The following ARHGAP32 variants were observed in gnomAD, a reference collection of about 807,000 sequenced individuals.
ARHGAP32 encodes the protein Rho GTPase activating protein 32.
ARHGAP32 carries 51 observed loss-of-function variants against 186.5 expected under a neutral mutation model. The observed-to-expected ratio is 0.27, with a 90% confidence interval of 0.22 to 0.35. The LOEUF is 0.35. Ranked by LOEUF, ARHGAP32 falls within the 10% of genes least tolerant of loss-of-function variation. The probability of loss-of-function intolerance (pLI) is 1.00; values close to 1 mark genes in which losing one functional copy is unlikely to be tolerated. For synonymous variants in ARHGAP32, 950 were observed against 964.3 expected, an observed-to-expected ratio of 0.99 and a Z score of 0.27; for missense variants, 2,186 against 2,623.5, an observed-to-expected ratio of 0.83 and a Z score of 3.64.
intron 1 of ARHGAP32, among the ~76,000 whole-genome samples, chr11:129,257,056 G>A (rs1945263914): frequency 6.6e-6 from 1 of 152,156 alleles, no homozygotes. Flanking sequence ...AGATCACATG[G>A]CTACCTCAGT....
Position 128,976,494 on chromosome 11 carries a change from T to C in ARHGAP32, c.2194+69A>G. ...TTTATTAAGCACAGATATATAAAAA[T>C]ATACTCAATTGCAGTATTCCTTTAT... is the stretch of plus-strand genomic sequence containing the variant. On this transcript the variant is annotated intron_variant, in intron 20 of 22. Transcript: ENST00000682385. 4.8e-6 allele frequency: 6 copies of C among 1,247,810 alleles called. No homozygotes were observed. In the South Asian group the frequency reaches 5.0e-5, roughly 10 times the overall value. 77.3% of individuals were successfully genotyped at this position (1,247,810 alleles called of 1,614,324 possible).
In ARHGAP32 at chr11:128,970,090, G is replaced by T; in HGVS notation, c.5123C>A (p.Pro1708His). ...GTACAAGCTCTTTCCTTGCAGCCTA[G>T]GATTGTAGAAAGCAAAGTCTCGATT... ...LPNRDFAFYN[P>H]RLQGKSLYSY... Residue 1708 changes from proline (P) to histidine (H), a missense_variant, in exon 23 of 23, where the codon CCT becomes CAT. This residue lies in a region of ARHGAP32 where 1,502 missense variants were observed against 1,570.0 expected (regional missense o/e 0.96). Coordinates refer to ENST00000682385, the MANE Select transcript of ARHGAP32 (RefSeq NM_001378024.1). The surrounding 1 kb of genome is among the most constrained non-coding windows in gnomAD (Gnocchi z 5.8). 6.2e-7 allele frequency: 1 copy of T among 1,614,198 alleles called. No homozygotes were observed.
chr11:129,232,500 T>C (rs976193025), intron 1 of ARHGAP32, among the ~76,000 whole-genome samples: 4 of 152,162 alleles, frequency 2.6e-5, no homozygotes, highest in African/African-American at 9.7e-5. Flanking sequence ...ATGATAAAAT[T>C]TGAACTTTCA....
chr11:129,174,070 G>A (rs1267237647), intron 1 of ARHGAP32, among the ~76,000 whole-genome samples: 2 of 152,240 alleles, frequency 1.3e-5, no homozygotes, highest in Admixed American at 6.5e-5. Context: ...GTGGGCACAG[G>A]ACAGTGGGTG....
chr11:129,102,927 T>C (rs915057898), intron 5 of ARHGAP32, among the ~76,000 whole-genome samples: 2 of 152,118 alleles, frequency 1.3e-5, no homozygotes, highest in African/African-American at 2.4e-5. Context: ...TGTAAACCCA[T>C]GTTCACAGAA....
chr11:129,020,266 G>A (rs541500271), intron 11 of ARHGAP32, among the ~76,000 whole-genome samples: 1 of 152,066 alleles, frequency 6.6e-6, no homozygotes, highest in South Asian at 2.1e-4. Context: ...CACTGTTAAA[G>A]GTTATTAAGC....
chr11:129,174,481 TG>T (rs1565456282), intron 1 of ARHGAP32, among the ~76,000 whole-genome samples: 1 of 152,206 alleles, frequency 6.6e-6, no homozygotes, highest in Admixed American at 6.5e-5. Flanking sequence ...GCTCCACCTC[TG>T]GGGGCAGGGC....
chr11:129,026,178 T>G (rs893146905), intron 11 of ARHGAP32, among the ~76,000 whole-genome samples: 2 of 152,188 alleles, frequency 1.3e-5, no homozygotes, highest in Non-Finnish European at 2.9e-5. Flanking sequence ...TTCCTGGTTT[T>G]GATAATGTAC....
intron 1 of ARHGAP32, among the ~76,000 whole-genome samples, chr11:129,263,305 T>A (rs1046480288): frequency 6.6e-6 from 1 of 152,096 alleles, no homozygotes; most frequent in African/African-American, 2.4e-5. Context: ...ATCCACAGAA[T>A]GGGAGAAAGT....
intron 1 of ARHGAP32, among the ~76,000 whole-genome samples, chr11:129,270,730 T>TAA (rs1384367688): frequency 7.0e-6 from 1 of 143,288 alleles, no homozygotes; most frequent in Non-Finnish European, 1.5e-5. Flanking sequence ...ATAGTCTACT[T>TAA]AAAAAAAAAA....
chr11:129,095,461 A>C (rs1370263972), intron 5 of ARHGAP32, among the ~76,000 whole-genome samples: 1 of 152,244 alleles, frequency 6.6e-6, no homozygotes. Context: ...ACAGGTACTC[A>C]CCAGGGATAT....
intron 2 of ARHGAP32, among the ~76,000 whole-genome samples, chr11:129,134,450 ACT>A (rs1942892210): frequency 6.6e-6 from 1 of 152,216 alleles, no homozygotes. Flanking sequence ...GAATTCACAA[ACT>A]CAGAATTAAT....
chr11:129,058,344 T>A (rs2135119673), intron 10 of ARHGAP32, among the ~76,000 whole-genome samples: 1 of 152,178 alleles, frequency 6.6e-6, no homozygotes, highest in African/African-American at 2.4e-5. Flanking sequence ...TCAGAATATA[T>A]GAAGTACCAG....
At chr11:129,184,466 TA>T (rs1299036806) in intron 1 of ARHGAP32, among the ~76,000 whole-genome samples, 1 of 152,068 alleles carries the variant, frequency 6.6e-6, no homozygotes, top group Non-Finnish European at 1.5e-5. Context: ...GAAGAACCCT[TA>T]AAAATAATTT....
At chr11:129,041,100 A>G in intron 10 of ARHGAP32, 91 bp from the exon 11 acceptor site, 1 of 757,222 alleles carries the variant, frequency 1.3e-6, no homozygotes, top group Non-Finnish European at 2.2e-6. Flanking sequence ...TGTATTCTAC[A>G]GTCCCTCCCA....
intron 1 of ARHGAP32, among the ~76,000 whole-genome samples, chr11:129,203,731 A>G (rs1355374283): frequency 6.7e-6 from 1 of 149,120 alleles, no homozygotes; most frequent in Non-Finnish European, 1.5e-5. Context: ...AAAAAAAAAA[A>G]AAAAGAAAGA....
chr11:129,193,682 A>ATATATAT (rs1480107239), upstream of ARHGAP32, among the ~76,000 whole-genome samples: 3 of 69,744 alleles, frequency 4.3e-5, no homozygotes, highest in African/African-American at 6.4e-5. Context: ...ATAATATATA[A>ATATATAT]TATATATTAT....
intron 1 of ARHGAP32, among the ~76,000 whole-genome samples, chr11:129,205,549 A>AC (rs1369452691): frequency 6.6e-6 from 1 of 152,146 alleles, no homozygotes; most frequent in Admixed American, 6.5e-5. Context: ...GTGAACTTGC[A>AC]CAAGTCACCA....
In ARHGAP32 at chr11:129,047,109, C is replaced by CA. The variant is rs568780003; in HGVS notation, c.964-6101dup. 3.8e-4 allele frequency among the ~76,000 whole-genome samples: 55 copies of CA among 145,664 alleles called. No homozygotes were observed. In the South Asian group the frequency reaches 0.011, roughly 28 times the overall value. The stretch of plus-strand genomic sequence containing the variant: ...AGCCACTGCACTCCAGCCTGGGTGA[C>CA]AGAGTGAAAGACTCCGTCTCAAAAA... On this transcript the variant is annotated intron_variant, in intron 10 of 22. Coordinates refer to ENST00000682385, the MANE Select transcript of ARHGAP32 (RefSeq NM_001378024.1).
Sources: allele counts gnomAD v4.1 joint callset (sites outside exome capture counted in the v4.1 genomes callset), GRCh38; gene constraint gnomAD v4.1.1; regional missense constraint gnomAD v4.1.1; non-coding constraint Gnocchi (gnomAD v3.1); transcripts MANE v1.5; gene names NCBI Gene and HGNC (gene_info 2026-07-23, HGNC 2026-07-21).